The following EPN1 variants were observed in gnomAD, a reference collection of about 807,000 sequenced individuals.
The protein encoded by EPN1 is epsin-1.
EPN1 carries 25 observed loss-of-function variants against 56.9 expected under a neutral mutation model. That is an observed-to-expected ratio of 0.44 (90% CI 0.32 to 0.61). The LOEUF (loss-of-function observed/expected upper bound fraction) is 0.61. Ranked by LOEUF, EPN1 falls within the 20% of genes least tolerant of loss-of-function variation. EPN1 has a pLI of 0.05. For missense variants in EPN1, 785 were observed against 823.7 expected (o/e 0.95, Z 0.58); for synonymous variants, 411 against 361.8 (o/e 1.14, Z -1.54).
Position 55,689,812 on chromosome 19 carries a change from A to T in EPN1, c.679-55A>T, listed in dbSNP as rs1044419401. 6.5e-7 allele frequency: 1 copy of T among 1,529,040 alleles called. No homozygotes were observed. The highest frequency in any genetic ancestry group is 1.9e-5 in the Admixed American group (1 of 51,570). The allele number at this position is 1,529,040 out of a possible 1,614,324, so 94.7% of individuals were successfully genotyped here. ...GCTGGGGCTTCCAGGCTGAGGTGGC[A>T]TCTGCCCGTGGCTCACGTTCTCATG... On this transcript the variant is annotated intron_variant, in intron 5 of 10. Coordinates refer to ENST00000270460, the MANE Select transcript of EPN1 (RefSeq NM_001130072.2). The surrounding 1 kb of genome is among the most constrained non-coding windows in gnomAD (Gnocchi z 5.7).
chr19:55,708,647 G>T lies in EPN1; in HGVS notation c.*13291G>T. Reference sequence around the variant, plus strand: ...AAAGCCATGCTTTCCAGAGCGTTTAGCACTTGTTTAACGTACTTGTGCTTC... The same window carrying T: ...AAAGCCATGCTTTCCAGAGCGTTTATCACTTGTTTAACGTACTTGTGCTTC... On this transcript the variant is annotated 3_prime_UTR_variant, in exon 11 of 11. Coordinates refer to ENST00000270460, the MANE Select transcript of EPN1 (RefSeq NM_001130072.2). The T allele has an allele frequency of 3.3e-6, 1 of 298,846 alleles. No homozygotes were observed. The allele number at this position is 298,846 out of a possible 1,614,324, so 18.5% of individuals were successfully genotyped here. A position where few individuals can be genotyped will look rare whatever the true frequency, so the allele number is the denominator to read the frequency against.
chr19:55,681,360 T>G (rs2122170550), intron 2 of EPN1, among the ~76,000 whole-genome samples: 1 of 152,280 alleles, frequency 6.6e-6, no homozygotes, highest in African/African-American at 2.4e-5. Flanking sequence ...GGAGCTCAGC[T>G]CTACCTCGCA....
rs1987042639 is a variant in EPN1, at chr19:55,699,439, C to T, written c.*4083C>T. On this transcript the variant is annotated 3_prime_UTR_variant, in exon 11 of 11. Transcript: ENST00000270460. Reference sequence around the variant, plus strand: ...TGACTGTGGGTTGTCCAGCTCATCCCTCAAGCGCCATCCTGCCAGGCCCTT... The same window carrying T: ...TGACTGTGGGTTGTCCAGCTCATCCTTCAAGCGCCATCCTGCCAGGCCCTT... 1 of 152,240 alleles carries T rather than the reference C, an allele frequency of 6.6e-6. No individual in the cohort carries two copies. Among genetic ancestry groups the T allele is most frequent in the South Asian group, 2.1e-4 (1 of 4,836 alleles). The allele number at this position is 152,240 out of a possible 1,614,324, so 9.4% of individuals were successfully genotyped here. A position where few individuals can be genotyped will look rare whatever the true frequency, so the allele number is the denominator to read the frequency against.
At chr19:55,678,909 A>G in intron 2 of EPN1, 54 bp downstream of exon 2, 2 of 1,321,860 alleles carry the variant, frequency 1.5e-6, no homozygotes, top group Non-Finnish European at 2.1e-6. Context: ...GTGGGAGGAC[A>G]GGAGCCCGTG....
At position 55,706,060 on chromosome 19, in the gene EPN1, C is replaced by T. The variant is rs1987386575; in HGVS notation, c.*10704C>T. On this transcript the variant is annotated 3_prime_UTR_variant, in exon 11 of 11. Coordinates refer to ENST00000270460, the MANE Select transcript of EPN1 (RefSeq NM_001130072.2). The stretch of plus-strand genomic sequence containing the variant: ...TGGAAGAAAAGGGACCATAGAATGT[C>T]CATTGGTTGGGGAACAACCCAGCTT... 11 of 222,374 alleles carry T rather than the reference C, an allele frequency of 4.9e-5. No homozygotes were observed. The South Asian group carries it at 6.2e-4, about 13-fold the overall frequency. 13.8% of individuals were successfully genotyped at this position (222,374 alleles called of 1,614,324 possible).
At chr19:55,677,651 TC>T in intron 1 of EPN1, 7 of 1,551,646 alleles carry the variant, frequency 4.5e-6, no homozygotes, top group Non-Finnish European at 6.1e-6. Context: ...GCTGTTAGGT[TC>T]CTTATCTCTC....
In EPN1 at chr19:55,702,462, A is replaced by G. The variant is rs1021385765; in HGVS notation, c.*7106A>G. The stretch of plus-strand genomic sequence containing the variant: ...AGGGAAAGGAATGTGCTTTAGGCCC[A>G]CTGTTTTCACTGGGGCCCATCTATG... On this transcript the variant is annotated 3_prime_UTR_variant, in exon 11 of 11. Coordinates refer to ENST00000270460, the MANE Select transcript of EPN1 (RefSeq NM_001130072.2). 6.6e-6 allele frequency: 1 copy of G among 152,130 alleles called. No individual in the cohort carries two copies. Among genetic ancestry groups the G allele is most frequent in the Admixed American group, 6.5e-5 (1 of 15,272 alleles). The allele number at this position is 152,130 out of a possible 1,614,324, so 9.4% of individuals were successfully genotyped here. A position where few individuals can be genotyped will look rare whatever the true frequency, so the allele number is the denominator to read the frequency against.
At chr19:55,684,794 T>G (rs987196693) in intron 2 of EPN1, among the ~76,000 whole-genome samples, 3 of 152,170 alleles carry the variant, frequency 2.0e-5, no homozygotes, top group African/African-American at 7.2e-5. Context: ...CCATGTTACT[T>G]TAGATTTTAG....
intron 6 of EPN1, among the ~76,000 whole-genome samples, chr19:55,690,558 C>A (rs534660260): frequency 1.3e-5 from 2 of 152,326 alleles, no homozygotes; most frequent in South Asian, 4.1e-4. Flanking sequence ...CCGGGGTGTC[C>A]GCACTGGCCT....
rs1446856719 is a variant in EPN1 at position 55,694,368 on chromosome 19, C to T, written c.1265-358C>T. On this transcript the variant is annotated intron_variant, in intron 9 of 10. Coordinates refer to ENST00000270460, the MANE Select transcript of EPN1 (RefSeq NM_001130072.2). The surrounding 1 kb of genome is among the most constrained non-coding windows in gnomAD (Gnocchi z 4.2). ...TCAAGGAGCGTCTGAGGGCAGGCTC[C>T]TCTGAGCCTGGAGGCACCTGTGAAC... 7 of 244,034 alleles carry T rather than the reference C, an allele frequency of 2.9e-5. No individual in the cohort carries two copies. The South Asian group carries it at 4.9e-4, about 17-fold the overall frequency. The allele number at this position is 244,034 out of a possible 1,614,324, so 15.1% of individuals were successfully genotyped here. A position where few individuals can be genotyped will look rare whatever the true frequency, so the allele number is the denominator to read the frequency against.
At position 55,698,145 on chromosome 19, in the gene EPN1, A is replaced by C. The variant is rs1399300284; in HGVS notation, c.*2789A>C. 1.1e-5 allele frequency: 1 copy of C among 90,826 alleles called. No homozygotes were observed. The highest frequency in any genetic ancestry group is 2.2e-5 in the Non-Finnish European group (1 of 46,334). The allele number at this position is 90,826 out of a possible 1,614,324, so 5.6% of individuals were successfully genotyped here. ...GTGAGGGTGGCGGGGGTTGGGGGGG[A>C]TGGCGGCGGGGTTCATTTGCTGAAA... On this transcript the variant is annotated 3_prime_UTR_variant, in exon 11 of 11. Transcript: ENST00000270460.
In EPN1 at chr19:55,709,167, T is replaced by G. The variant is rs35261212; in HGVS notation, c.*13811T>G. 12,737 of 636,218 alleles carry G rather than the reference T, an allele frequency of 0.02. 183 individuals are homozygous for G. Among genetic ancestry groups the G allele is most frequent in the Non-Finnish European group, 0.025 (10,287 of 407,876 alleles). 39.4% of individuals were successfully genotyped at this position (636,218 alleles called of 1,614,324 possible). A position where few individuals can be genotyped will look rare whatever the true frequency, so the allele number is the denominator to read the frequency against. On this transcript the variant is annotated 3_prime_UTR_variant, in exon 11 of 11. Coordinates refer to ENST00000270460, the MANE Select transcript of EPN1 (RefSeq NM_001130072.2). ...CTTTCCTAGAAATCACTGGGAGAATTGTACTGAATTTGAAAAACAAGCATG... is the reference window on the plus strand; with the variant it reads ...CTTTCCTAGAAATCACTGGGAGAATGGTACTGAATTTGAAAAACAAGCATG...
rs1182469340 is a variant in EPN1 at position 55,705,833 on chromosome 19, AGT to A, written c.*10480_*10481del. 1.6e-5 allele frequency: 2 copies of A among 122,062 alleles called. No individual in the cohort carries two copies. Among genetic ancestry groups the A allele is most frequent in the African/African-American group, 8.0e-5 (2 of 24,912 alleles). 7.6% of individuals were successfully genotyped at this position (122,062 alleles called of 1,614,324 possible). The stretch of plus-strand genomic sequence containing the variant: ...GATATATATATATATATATATTTAG[AGT>A]GTTGTGGGATATATATATATATTTA... On this transcript the variant is annotated 3_prime_UTR_variant, in exon 11 of 11. Transcript: ENST00000270460.
intron 3 of EPN1, among the ~76,000 whole-genome samples, 179 bp from the exon 4 acceptor site, chr19:55,688,691 C>A (rs34046411): frequency 0.14 from 21,815 of 151,908 alleles, 1,809 homozygotes; most frequent in East Asian, 0.25. Context: ...ACCCTTCCTC[C>A]TCTGAGCACC....
chr19:55,700,152 T>A lies in EPN1; in HGVS notation c.*4796T>A, dbSNP rs1249842704. On this transcript the variant is annotated 3_prime_UTR_variant, in exon 11 of 11. Transcript: ENST00000270460. ...GTTAGCCAGGATGGTCACGATCTCC[T>A]GACCTCGTGATCTGCCCACCTCGGC... is the stretch of plus-strand genomic sequence containing the variant. 2 of 143,440 alleles carry A rather than the reference T, an allele frequency of 1.4e-5. No homozygotes were observed. The highest frequency in any genetic ancestry group is 3.0e-5 in the African/African-American group (1 of 33,088). The allele number at this position is 143,440 out of a possible 1,614,324, so 8.9% of individuals were successfully genotyped here.
In EPN1 at chr19:55,703,928, G is replaced by C. The variant is rs1471892787; in HGVS notation, c.*8572G>C. On this transcript the variant is annotated 3_prime_UTR_variant, in exon 11 of 11. Transcript: ENST00000270460. Reference sequence around the variant, plus strand: ...CCGGAGAGCGGACGGAGCCGCAGGCGGGGTTGTGGGAAGACGCTGGGATCC... The same window carrying C: ...CCGGAGAGCGGACGGAGCCGCAGGCCGGGTTGTGGGAAGACGCTGGGATCC... 6.6e-6 allele frequency: 1 copy of C among 152,218 alleles called. No homozygotes were observed. The highest frequency in any genetic ancestry group is 2.4e-5 in the African/African-American group (1 of 41,452). The allele number at this position is 152,218 out of a possible 1,614,324, so 9.4% of individuals were successfully genotyped here. A position where few individuals can be genotyped will look rare whatever the true frequency, so the allele number is the denominator to read the frequency against.
chr19:55,701,793 A>C lies in EPN1; in HGVS notation c.*6437A>C, dbSNP rs1203230998. On this transcript the variant is annotated 3_prime_UTR_variant, in exon 11 of 11. Coordinates refer to ENST00000270460, the MANE Select transcript of EPN1 (RefSeq NM_001130072.2). ...GGCAAAAGGAAGAAACAGCTCTGTC[A>C]CAGAGACGGGTCCCGAACGGGTTGT... is the stretch of plus-strand genomic sequence containing the variant. 1.3e-5 allele frequency: 2 copies of C among 152,128 alleles called. No homozygotes were observed. Among genetic ancestry groups the C allele is most frequent in the African/African-American group, 4.8e-5 (2 of 41,398 alleles). The allele number at this position is 152,128 out of a possible 1,614,324, so 9.4% of individuals were successfully genotyped here.
In EPN1 at chr19:55,695,497, T is replaced by C; in HGVS notation, c.*141T>C. Reference sequence around the variant, plus strand: ...CCTGGGGCCCACTCACACTACACCCTCTTCCTTTCCCACCCCACCTCCCCG... The same window carrying C: ...CCTGGGGCCCACTCACACTACACCCCCTTCCTTTCCCACCCCACCTCCCCG... On this transcript the variant is annotated 3_prime_UTR_variant, in exon 11 of 11. Transcript: ENST00000270460. The surrounding 1 kb of genome is among the most constrained non-coding windows in gnomAD (Gnocchi z 4.4). 1.7e-6 allele frequency: 1 copy of C among 600,600 alleles called. No individual in the cohort carries two copies. The highest frequency in any genetic ancestry group is 2.9e-6 in the Non-Finnish European group (1 of 339,806). 37.2% of individuals were successfully genotyped at this position (600,600 alleles called of 1,614,324 possible). A position where few individuals can be genotyped will look rare whatever the true frequency, so the allele number is the denominator to read the frequency against.
chr19:55,683,775 C>T (rs959761860), intron 2 of EPN1, among the ~76,000 whole-genome samples: 3 of 152,160 alleles, frequency 2.0e-5, no homozygotes, highest in Admixed American at 1.3e-4. Context: ...TTTTTAGCTG[C>T]GATACCAAAG....
Sources: allele counts gnomAD v4.1 joint callset (sites outside exome capture counted in the v4.1 genomes callset), GRCh38; gene constraint gnomAD v4.1.1; non-coding constraint Gnocchi (gnomAD v3.1); transcripts MANE v1.5; gene names NCBI Gene and HGNC (gene_info 2026-07-23, HGNC 2026-07-21).